The following BHLHE23 variants were observed in gnomAD, a reference collection of about 807,000 sequenced individuals.
BHLHE23 encodes the protein basic helix-loop-helix family member e23, also known as class E basic helix-loop-helix protein 23.
For missense variants in BHLHE23, 401 were observed against 380.0 expected (o/e 1.06, Z -0.46); for synonymous variants, 204 against 184.4 (o/e 1.11, Z -0.86).
chr20:63,006,789 C>T lies in BHLHE23; in HGVS notation c.-15G>A, dbSNP rs1234199680. ...CGGATGCTCATGTGGGTGAGCAGCC[C>T]CCGAGGCCGGCCCGAGCCCGCCGCT... On this transcript the variant is annotated 5_prime_UTR_variant, in exon 1 of 1. Transcript: ENST00000612929. The T allele has an allele frequency of 6.4e-6, 8 of 1,246,708 alleles. No homozygotes were observed. The highest frequency in any genetic ancestry group is 5.0e-6 in the Non-Finnish European group (5 of 995,814). The allele number at this position is 1,246,708 out of a possible 1,614,324, so 77.2% of individuals were successfully genotyped here. A position where few individuals can be genotyped will look rare whatever the true frequency, so the allele number is the denominator to read the frequency against.
rs970774526 is a variant in BHLHE23, at chr20:63,006,851, G to T, written c.-77C>A. The T allele has an allele frequency of 3.3e-6, 4 of 1,226,206 alleles. No individual in the cohort carries two copies. Among genetic ancestry groups the T allele is most frequent in the Admixed American group, 4.3e-5 (1 of 23,284 alleles). The allele number at this position is 1,226,206 out of a possible 1,614,324, so 76.0% of individuals were successfully genotyped here. A position where few individuals can be genotyped will look rare whatever the true frequency, so the allele number is the denominator to read the frequency against. On this transcript the variant is annotated 5_prime_UTR_variant, in exon 1 of 1. Transcript: ENST00000612929. ...TGCGATGAGGCTCCCGGCTCTGCGCGTCGGTCTGGCTTGCCTGCGGGTCCC... is the reference window on the plus strand; with the variant it reads ...TGCGATGAGGCTCCCGGCTCTGCGCTTCGGTCTGGCTTGCCTGCGGGTCCC...
In BHLHE23 at chr20:63,006,510, C is replaced by T. The variant is rs1210308061; in HGVS notation, c.265G>A (p.Asp89Asn). The T allele has an allele frequency of 7.5e-6, 10 of 1,327,958 alleles. No individual in the cohort carries two copies. The highest frequency in any genetic ancestry group is 7.6e-6 in the Non-Finnish European group (8 of 1,050,068). The allele number at this position is 1,327,958 out of a possible 1,614,324, so 82.3% of individuals were successfully genotyped here. ...ESSGEQSGDE[D>N]DAFEQRRRRR... ...CGCCGCCGCTGCTCGAAGGCGTCGT[C>T]CTCGTCCCCGCTCTGTTCGCCGCTG... Residue 89 changes from aspartate to asparagine, a missense_variant, in exon 1 of 1, where the codon GAC (aspartate) becomes AAC (asparagine). Transcript: ENST00000612929.
Position 63,006,012 on chromosome 20 carries a change from C to G in BHLHE23, c.*37G>C, listed in dbSNP as rs775059682. On this transcript the variant is annotated 3_prime_UTR_variant, in exon 1 of 1. Coordinates refer to ENST00000612929, the MANE Select transcript of BHLHE23 (RefSeq NM_080606.4). Reference sequence around the variant, plus strand: ...GCAGAGAGACAGTCACAGGGGCGATCGGAGGACGCGTGCGGGAGGGCCGGG... The same window carrying G: ...GCAGAGAGACAGTCACAGGGGCGATGGGAGGACGCGTGCGGGAGGGCCGGG... 1 of 1,481,960 alleles carries G rather than the reference C, an allele frequency of 6.7e-7. No homozygotes were observed. The allele number at this position is 1,481,960 out of a possible 1,614,324, so 91.8% of individuals were successfully genotyped here. A position where few individuals can be genotyped will look rare whatever the true frequency, so the allele number is the denominator to read the frequency against.
In BHLHE23 at chr20:63,006,458, T is replaced by C; in HGVS notation, c.317A>G (p.Asp106Gly). ...CTGCTCTCGCGGCCGCCGCCGCCCG[T>C]CCGCCGCGCTCCCTGGCCCGCGCCG... ...RRRRGPGSAADGRRRPREQRS... is the reference protein window; with the variant it reads ...RRRRGPGSAAGGRRRPREQRS... Residue 106 changes from aspartate to glycine, a missense_variant, in exon 1 of 1, where the codon GAC (aspartate) becomes GGC (glycine). By Grantham distance (94) the Asp-to-Gly change is moderately conservative. Transcript: ENST00000612929. 7.0e-7 allele frequency: 1 copy of C among 1,428,912 alleles called. No homozygotes were observed. The highest frequency in any genetic ancestry group is 9.1e-7 in the Non-Finnish European group (1 of 1,100,992). The allele number at this position is 1,428,912 out of a possible 1,614,324, so 88.5% of individuals were successfully genotyped here.
Position 63,006,904 on chromosome 20 carries a change from GCCTCTT to G in BHLHE23, c.-136_-131del, listed in dbSNP as rs1041076944. 11 of 1,214,824 alleles carry G rather than the reference GCCTCTT, an allele frequency of 9.1e-6. No homozygotes were observed. In the African/African-American group the frequency reaches 1.7e-4, roughly 19 times the overall value. 75.3% of individuals were successfully genotyped at this position (1,214,824 alleles called of 1,614,324 possible). A position where few individuals can be genotyped will look rare whatever the true frequency, so the allele number is the denominator to read the frequency against. The stretch of plus-strand genomic sequence containing the variant: ...AGCCTCGGCGCCCGCTGCCTCCTCC[GCCTCTT>G]CCTTCTCTCCCACCTCCTCTCCCTC... On this transcript the variant is annotated 5_prime_UTR_variant, in exon 1 of 1. Coordinates refer to ENST00000612929, the MANE Select transcript of BHLHE23 (RefSeq NM_080606.4).
rs1487119324 is a variant in BHLHE23, at chr20:63,006,906, C to T, written c.-132G>A. On this transcript the variant is annotated 5_prime_UTR_variant, in exon 1 of 1. Transcript: ENST00000612929. ...CCTCGGCGCCCGCTGCCTCCTCCGC[C>T]TCTTCCTTCTCTCCCACCTCCTCTC... 7.4e-6 allele frequency: 9 copies of T among 1,212,280 alleles called. No individual in the cohort carries two copies. The highest frequency in any genetic ancestry group is 9.3e-6 in the Non-Finnish European group (9 of 972,424). The allele number at this position is 1,212,280 out of a possible 1,614,324, so 75.1% of individuals were successfully genotyped here.
rs2065790093 is a variant in BHLHE23 at position 63,006,180 on chromosome 20, A to AGGGCGCGGCGTTTAC, written c.580_594dup (p.Val194_Pro198dup). On this transcript the variant is annotated inframe_insertion, in exon 1 of 1. Transcript: ENST00000612929. The stretch of plus-strand genomic sequence containing the variant: ...ACAGTGGCCTGGCCGAAGGGCGTCA[A>AGGGCGCGGCGTTTAC]GGGCGCGGCGTTTACGGGCGCGGCC... 1 of 1,574,756 alleles carries AGGGCGCGGCGTTTAC rather than the reference A, an allele frequency of 6.4e-7. No homozygotes were observed. Among genetic ancestry groups the AGGGCGCGGCGTTTAC allele is most frequent in the Non-Finnish European group, 8.6e-7 (1 of 1,162,848 alleles).
At position 63,006,686 on chromosome 20, in the gene BHLHE23, G is replaced by A. The variant is rs893972581; in HGVS notation, c.89C>T (p.Ala30Val). The A allele has an allele frequency of 1.0e-5, 14 of 1,370,352 alleles. No homozygotes were observed. Among genetic ancestry groups the A allele is most frequent in the African/African-American group, 3.0e-5 (2 of 66,094 alleles). 84.9% of individuals were successfully genotyped at this position (1,370,352 alleles called of 1,614,324 possible). Residue 30 changes from alanine (A) to valine (V), a missense_variant, in exon 1 of 1, where the codon GCA (alanine) becomes GTA (valine). Physicochemically the swap from Ala to Val is moderately conservative, Grantham distance 64. Transcript: ENST00000612929. ...LKSLSGDAYLALSHGYAAAAA... is the reference protein window; with the variant it reads ...LKSLSGDAYLVLSHGYAAAAA... ...CGCCGCCGCGTAGCCGTGGCTTAGT[G>A]CCAGGTACGCGTCCCCCGACAGCGA...
chr20:63,006,796 C>A lies in BHLHE23; in HGVS notation c.-22G>T. On this transcript the variant is annotated 5_prime_UTR_variant, in exon 1 of 1. Coordinates refer to ENST00000612929, the MANE Select transcript of BHLHE23 (RefSeq NM_080606.4). ...TCATGTGGGTGAGCAGCCCCCGAGGCCGGCCCGAGCCCGCCGCTGCCGCTG... is the reference window on the plus strand; with the variant it reads ...TCATGTGGGTGAGCAGCCCCCGAGGACGGCCCGAGCCCGCCGCTGCCGCTG... 8.1e-7 allele frequency: 1 copy of A among 1,239,396 alleles called. No homozygotes were observed. 76.8% of individuals were successfully genotyped at this position (1,239,396 alleles called of 1,614,324 possible). A position where few individuals can be genotyped will look rare whatever the true frequency, so the allele number is the denominator to read the frequency against.
rs2065788912 is a variant in BHLHE23, at chr20:63,005,995, A to C, written c.*54T>G. The C allele has an allele frequency of 2.1e-6, 3 of 1,454,630 alleles. No individual in the cohort carries two copies. Among genetic ancestry groups the C allele is most frequent in the Non-Finnish European group, 2.7e-6 (3 of 1,109,816 alleles). The allele number at this position is 1,454,630 out of a possible 1,614,324, so 90.1% of individuals were successfully genotyped here. On this transcript the variant is annotated 3_prime_UTR_variant, in exon 1 of 1. Transcript: ENST00000612929. ...AGGCCTTTCCTGTCCGGGCAGAGAG[A>C]CAGTCACAGGGGCGATCGGAGGACG...
Position 63,006,442 on chromosome 20 carries a change from C to T in BHLHE23, c.333G>A (p.Pro111=). 1 of 1,461,564 alleles carries T rather than the reference C, an allele frequency of 6.8e-7. No individual in the cohort carries two copies. Among genetic ancestry groups the T allele is most frequent in the Non-Finnish European group, 9.0e-7 (1 of 1,116,968 alleles). 90.5% of individuals were successfully genotyped at this position (1,461,564 alleles called of 1,614,324 possible). A position where few individuals can be genotyped will look rare whatever the true frequency, so the allele number is the denominator to read the frequency against. The change falls in exon 1 of 1, where the codon CCG becomes CCA. Residue 111 remains proline, a synonymous_variant. Coordinates refer to ENST00000612929, the MANE Select transcript of BHLHE23 (RefSeq NM_080606.4). ...TGAGCCGCAGAGACCGCTGCTCTCG[C>T]GGCCGCCGCCGCCCGTCCGCCGCGC... The part of the protein sequence containing the change: ...PGSAADGRRR[P]REQRSLRLSI...
In BHLHE23 at chr20:63,006,521, C is replaced by A; in HGVS notation, c.254G>T (p.Ser85Ile). The A allele has an allele frequency of 7.6e-7, 1 of 1,315,228 alleles. No individual in the cohort carries two copies. The highest frequency in any genetic ancestry group is 2.9e-4 in the Middle Eastern group (1 of 3,478). The allele number at this position is 1,315,228 out of a possible 1,614,324, so 81.5% of individuals were successfully genotyped here. ...AQAAESSGEQ[S>I]GDEDDAFEQR... Reference sequence around the variant, plus strand: ...CTCGAAGGCGTCGTCCTCGTCCCCGCTCTGTTCGCCGCTGCTCTCCGCCGC... The same window carrying A: ...CTCGAAGGCGTCGTCCTCGTCCCCGATCTGTTCGCCGCTGCTCTCCGCCGC... Residue 85 changes from serine (S) to isoleucine (I), a missense_variant, in exon 1 of 1, where the codon AGC becomes ATC. Transcript: ENST00000612929.
rs2065792881 is a variant in BHLHE23, at chr20:63,006,627, G to T, written c.148C>A (p.Pro50Thr). The change falls in exon 1 of 1, where the codon CCC becomes ACC. Residue 50 changes from proline to threonine, a missense_variant. Pro to Thr is a conservative substitution (Grantham distance 38). Transcript: ENST00000612929. ...AGLAYGAARE[P>T]EAARGYGTPG... is the part of the protein sequence containing the mutation. ...GTGCCGTAGCCGCGGGCCGCTTCGG[G>T]TTCTCGCGCCGCCCCGTAGGCGAGA... 1.5e-6 allele frequency: 2 copies of T among 1,350,878 alleles called. No individual in the cohort carries two copies. The highest frequency in any genetic ancestry group is 6.7e-5 in the Admixed American group (2 of 30,026). The allele number at this position is 1,350,878 out of a possible 1,614,324, so 83.7% of individuals were successfully genotyped here.
At position 63,006,703 on chromosome 20, in the gene BHLHE23, C is replaced by G; in HGVS notation, c.72G>C (p.Ser24=). ...GAAMAELKSL[S]GDAYLALSHG... ...GGCTTAGTGCCAGGTACGCGTCCCC[C>G]GACAGCGACTTGAGCTCGGCCATGG... The change falls in exon 1 of 1, where the codon TCG becomes TCC. Residue 24 remains serine, a synonymous_variant. Transcript: ENST00000612929. 1 of 1,364,234 alleles carries G rather than the reference C, an allele frequency of 7.3e-7. No homozygotes were observed. Among genetic ancestry groups the G allele is most frequent in the Non-Finnish European group, 9.4e-7 (1 of 1,059,498 alleles). The allele number at this position is 1,364,234 out of a possible 1,614,324, so 84.5% of individuals were successfully genotyped here. A position where few individuals can be genotyped will look rare whatever the true frequency, so the allele number is the denominator to read the frequency against.
At position 63,006,375 on chromosome 20, in the gene BHLHE23, C is replaced by A. The variant is rs755674868; in HGVS notation, c.400G>T (p.Asp134Tyr). The A allele has an allele frequency of 6.2e-7, 1 of 1,605,336 alleles. No individual in the cohort carries two copies. Among genetic ancestry groups the A allele is most frequent in the Non-Finnish European group, 8.5e-7 (1 of 1,178,934 alleles). Reference sequence around the variant, plus strand: ...ACGGCTCGCAGCCCGTCCAGCGCGTCGTTTAGGTCGTGCATGCGCCGCCGC... The same window carrying A: ...ACGGCTCGCAGCCCGTCCAGCGCGTAGTTTAGGTCGTGCATGCGCCGCCGC... ...RERRRMHDLN[D>Y]ALDGLRAVIP... Residue 134 changes from aspartate to tyrosine, a missense_variant, in exon 1 of 1, where the codon GAC (aspartate) becomes TAC (tyrosine). Coordinates refer to ENST00000612929, the MANE Select transcript of BHLHE23 (RefSeq NM_080606.4).
chr20:63,006,891 C>T lies in BHLHE23; in HGVS notation c.-117G>A. ...CTGCGGGTCCCAGAGCCTCGGCGCC[C>T]GCTGCCTCCTCCGCCTCTTCCTTCT... is the stretch of plus-strand genomic sequence containing the variant. On this transcript the variant is annotated 5_prime_UTR_variant, in exon 1 of 1. Coordinates refer to ENST00000612929, the MANE Select transcript of BHLHE23 (RefSeq NM_080606.4). 8.2e-7 allele frequency: 1 copy of T among 1,221,314 alleles called. No homozygotes were observed. The highest frequency in any genetic ancestry group is 1.0e-6 in the Non-Finnish European group (1 of 980,732). The allele number at this position is 1,221,314 out of a possible 1,614,324, so 75.7% of individuals were successfully genotyped here. A position where few individuals can be genotyped will look rare whatever the true frequency, so the allele number is the denominator to read the frequency against.
chr20:63,006,403 G>C lies in BHLHE23; in HGVS notation c.372C>G (p.Arg124=), dbSNP rs1428268844. 6.3e-7 allele frequency: 1 copy of C among 1,586,698 alleles called. No individual in the cohort carries two copies. Among genetic ancestry groups the C allele is most frequent in the Non-Finnish European group, 8.5e-7 (1 of 1,173,342 alleles). Residue 124 remains arginine (R), a synonymous_variant, in exon 1 of 1, where the codon CGC becomes CGG. Coordinates refer to ENST00000612929, the MANE Select transcript of BHLHE23 (RefSeq NM_080606.4). ...TTAGGTCGTGCATGCGCCGCCGCTC[G>C]CGCGCGTTGATGCTGAGCCGCAGAG... ...QRSLRLSINA[R]ERRRMHDLND... is the part of the protein sequence containing the mutation.
At position 63,006,195 on chromosome 20, in the gene BHLHE23, C is replaced by A. The variant is rs2077857790; in HGVS notation, c.580G>T (p.Val194Leu). The change falls in exon 1 of 1, where the codon GTA becomes TTA. Residue 194 changes from valine (V) to leucine (L), a missense_variant. Transcript: ENST00000612929. Reference sequence around the variant, plus strand: ...AAGGGCGTCAAGGGCGCGGCGTTTACGGGCGCGGCCAGGCCCTGGCCCTGG... The same window carrying A: ...AAGGGCGTCAAGGGCGCGGCGTTTAAGGGCGCGGCCAGGCCCTGGCCCTGG... ...LNQGQGLAAP[V>L]NAAPLTPFGQ... 1 of 1,587,616 alleles carries A rather than the reference C, an allele frequency of 6.3e-7. No individual in the cohort carries two copies. The highest frequency in any genetic ancestry group is 8.6e-7 in the Non-Finnish European group (1 of 1,169,440).
chr20:63,006,449 C>G lies in BHLHE23; in HGVS notation c.326G>C (p.Arg109Pro), dbSNP rs1293657498. The part of the protein sequence containing the change: ...RGPGSAADGR[R>P]RPREQRSLRL... ...CAGAGACCGCTGCTCTCGCGGCCGC[C>G]GCCGCCCGTCCGCCGCGCTCCCTGG... The change falls in exon 1 of 1, where the codon CGG becomes CCG. Residue 109 changes from arginine (R) to proline (P), a missense_variant. Physicochemically the swap from Arg to Pro is moderately radical, Grantham distance 103. Coordinates refer to ENST00000612929, the MANE Select transcript of BHLHE23 (RefSeq NM_080606.4). 4.1e-6 allele frequency: 6 copies of G among 1,447,284 alleles called. No homozygotes were observed. The highest frequency in any genetic ancestry group is 5.4e-6 in the Non-Finnish European group (6 of 1,110,324). The allele number at this position is 1,447,284 out of a possible 1,614,324, so 89.7% of individuals were successfully genotyped here.
Sources: gnomAD v4.1 joint callset for allele counts on GRCh38, gnomAD v4.1.1 for gene constraint, MANE v1.5 for transcripts, NCBI Gene and HGNC (gene_info 2026-07-23, HGNC 2026-07-21) for gene names.